BRD9: variants seen among roughly 807,000 people sequenced by gnomAD.
The protein encoded by BRD9 is bromodomain containing 9, also known as bromodomain-containing protein 9.
In BRD9, 47 loss-of-function variants were observed where a neutral mutation model predicts 68.7. That is an observed-to-expected ratio of 0.68 (90% CI 0.54 to 0.87). The LOEUF is 0.87. Among genes scored for constraint, BRD9 ranks in the 40% least tolerant of loss-of-function variants. The pLI, the probability that BRD9 is intolerant of heterozygous loss-of-function variation, is 0.00. For synonymous variants in BRD9, 313 were observed against 293.9 expected (o/e 1.06, Z -0.67); for missense variants, 670 against 748.4 (o/e 0.90, Z 1.22).
At chr5:870,688 CCTCAGT>C (rs1750013693) in intron 13 of BRD9, 113 bp from the exon 14 acceptor site, 1 of 735,214 alleles carries the variant, frequency 1.4e-6, no homozygotes, top group Non-Finnish European at 2.3e-6. Context: ...TGAACCCACC[CCTCAGT>C]AAGTGACAAG....
At chr5:869,396 T>C (rs1351032565) in intron 14 of BRD9, 1 of 455,030 alleles carries the variant, frequency 2.2e-6, no homozygotes, top group Non-Finnish European at 4.4e-6. Context: ...TGGCAGGCCC[T>C]GAAAGAAACT....
rs950315255 is a variant in BRD9, at chr5:891,426, C to G, written c.268-139G>C. The G allele has an allele frequency of 5.1e-6, 7 of 1,369,810 alleles. No homozygotes were observed. The African/African-American group carries it at 5.9e-5, about 11-fold the overall frequency. 84.9% of individuals were successfully genotyped at this position (1,369,810 alleles called of 1,614,324 possible). On this transcript the variant is annotated intron_variant, in intron 2 of 15. Transcript: ENST00000467963. ...CGAGATCCTCCTCATGCCAGGCTCC[C>G]TCCTCACAGAGACCCTGGCAGGGTC...
rs1205613809 is a variant in BRD9 at position 892,725 on chromosome 5, C to T, written c.-68G>A. Reference sequence around the variant, plus strand: ...TGGCACCCGGTCGGACCTTGGCCGCCACCGCCCCCTGGCCCTGGCTGGCCG... The same window carrying T: ...TGGCACCCGGTCGGACCTTGGCCGCTACCGCCCCCTGGCCCTGGCTGGCCG... On this transcript the variant is annotated 5_prime_UTR_variant, in exon 1 of 16. Coordinates refer to ENST00000467963, the MANE Select transcript of BRD9 (RefSeq NM_023924.5). 4 of 1,271,374 alleles carry T rather than the reference C, an allele frequency of 3.1e-6. No homozygotes were observed. The highest frequency in any genetic ancestry group is 4.0e-6 in the Non-Finnish European group (4 of 1,002,724). 78.8% of individuals were successfully genotyped at this position (1,271,374 alleles called of 1,614,324 possible). A position where few individuals can be genotyped will look rare whatever the true frequency, so the allele number is the denominator to read the frequency against.
chr5:864,703 C>T, intron 15 of BRD9, 135 bp from the exon 16 acceptor site: 2 of 687,874 alleles, frequency 2.9e-6, no homozygotes, highest in Non-Finnish European at 4.9e-6. Flanking sequence ...GCACCTCTCA[C>T]TCCCTGCCAA....
At position 872,641 on chromosome 5, in the gene BRD9, G is replaced by C. The variant is rs143952161; in HGVS notation, c.1384-1077C>G. ...GAGGGGGCTGCTCCTCAGAGCTGCA[G>C]AAATCTGCTTGGGGACTCCCGCCTG... is the stretch of plus-strand genomic sequence containing the variant. On this transcript the variant is annotated intron_variant, in intron 12 of 15. Transcript: ENST00000467963. Among the ~76,000 whole-genome samples, 1,168 of 152,322 alleles carry C rather than the reference G, an allele frequency of 7.7e-3. 17 individuals carry two copies. The highest frequency in any genetic ancestry group is 0.026 in the African/African-American group (1,095 of 41,574).
chr5:865,767 T>G, intron 14 of BRD9, 186 bp from the exon 15 acceptor site: 2 of 598,512 alleles, frequency 3.3e-6, no homozygotes, highest in Non-Finnish European at 2.8e-6. Flanking sequence ...CCCTTAGCAG[T>G]GAGTGAAGGG....
chr5:891,915 T>C (rs1403646272), intron 1 of BRD9, 61 bp from the exon 2 acceptor site: 48 of 1,541,640 alleles, frequency 3.1e-5, no homozygotes, highest in Non-Finnish European at 4.0e-5. Flanking sequence ...CGCAGCCAGG[T>C]GAGACGTGAA....
At chr5:884,837 C>T (rs1029830025) in intron 7 of BRD9, among the ~76,000 whole-genome samples, 6 of 152,260 alleles carry the variant, frequency 3.9e-5, no homozygotes, top group African/African-American at 1.4e-4. Flanking sequence ...GGAGGGGCTC[C>T]ACTCAGGCAC....
intron 13 of BRD9, 142 bp downstream of exon 13, chr5:871,384 A>G (rs932734788): frequency 8.0e-6 from 6 of 754,312 alleles, no homozygotes; most frequent in South Asian, 7.9e-5. Context: ...AGAGGAGGAG[A>G]AACACTATTG....
chr5:870,267 A>G, intron 14 of BRD9: 1 of 548,206 alleles, frequency 1.8e-6, no homozygotes, highest in African/African-American at 1.9e-5. Flanking sequence ...ACTTCTCATT[A>G]GCTTAAAAAA....
chr5:881,679 G>A (rs73018897), intron 8 of BRD9: 2,800 of 173,408 alleles, frequency 0.016, 82 homozygotes, highest in African/African-American at 0.063. Context: ...GTCATGCAGC[G>A]GTTGGCTGGG....
intron 12 of BRD9, among the ~76,000 whole-genome samples, chr5:875,373 G>A (rs58654832): frequency 0.037 from 5,590 of 151,278 alleles, 321 homozygotes; most frequent in African/African-American, 0.13. Context: ...TTGGAGATGG[G>A]GTCTGGCTCT....
chr5:892,523 A>G (rs1753614235), intron 1 of BRD9, 83 bp downstream of exon 1: 9 of 1,500,136 alleles, frequency 6.0e-6, no homozygotes, highest in Non-Finnish European at 8.0e-6. Context: ...CCCGGTGCCC[A>G]GGACCCCCGT....
chr5:869,125 A>T (rs965002164), intron 14 of BRD9: 2 of 296,088 alleles, frequency 6.8e-6, no homozygotes, highest in Non-Finnish European at 1.3e-5. Context: ...AACATCTGTA[A>T]ATGAAAAATA....
At chr5:888,775 T>C (rs1372054078) in intron 5 of BRD9, among the ~76,000 whole-genome samples, 1 of 152,204 alleles carries the variant, frequency 6.6e-6, no homozygotes. Context: ...GCCAGCGCAG[T>C]AACTTAGAAA....
chr5:887,985 C>T (rs554522893), intron 5 of BRD9, among the ~76,000 whole-genome samples: 1 of 152,328 alleles, frequency 6.6e-6, no homozygotes, highest in African/African-American at 2.4e-5. Context: ...GGTGAAAATA[C>T]GGAAGCATCA....
chr5:892,644 T>C lies in BRD9; in HGVS notation c.14A>G (p.His5Arg). The change falls in exon 1 of 16, where the codon CAC (histidine) becomes CGC (arginine). Residue 5 changes from histidine (H) to arginine (R), a missense_variant. Around this residue, in one of 5 missense-constraint regions of BRD9, gnomAD observed 161 missense variants for 148.1 expected, o/e 1.09. Transcript: ENST00000467963. Reference protein sequence around the residue: MGKKHKKHKAEWRSS... With the variant: MGKKRKKHKAEWRSS... The stretch of plus-strand genomic sequence containing the variant: ...GCGCCACTCGGCCTTGTGCTTCTTG[T>C]GCTTCTTGCCCATGGCGGCGCCGGC... 6.7e-7 allele frequency: 1 copy of C among 1,486,100 alleles called. No homozygotes were observed. The highest frequency in any genetic ancestry group is 2.4e-5 in the Admixed American group (1 of 41,944). The allele number at this position is 1,486,100 out of a possible 1,614,324, so 92.1% of individuals were successfully genotyped here.
chr5:874,748 G>A (rs966517371), intron 12 of BRD9, among the ~76,000 whole-genome samples: 4 of 152,258 alleles, frequency 2.6e-5, no homozygotes, highest in African/African-American at 9.6e-5. Flanking sequence ...AGCAGCGCGG[G>A]ACGACATCAT....
chr5:869,510 C>G, intron 14 of BRD9: 1 of 369,528 alleles, frequency 2.7e-6, no homozygotes, highest in South Asian at 2.1e-5. Flanking sequence ...TCTCCTGCCC[C>G]TTCCAAGTCT....
Sources: allele counts gnomAD v4.1 joint callset (sites outside exome capture counted in the v4.1 genomes callset), GRCh38; gene constraint gnomAD v4.1.1; regional missense constraint gnomAD v4.1.1; transcripts MANE v1.5; gene names NCBI Gene and HGNC (gene_info 2026-07-23, HGNC 2026-07-21).